Variants in ADGRL3 observed in about 807,000 individuals in gnomAD.
ADGRL3 encodes adhesion G protein-coupled receptor L3.
A neutral mutation model predicts 153.5 loss-of-function variants in ADGRL3; 62 were observed. The ratio of observed to expected loss-of-function variants is 0.40; its 90% CI spans 0.33 to 0.50. ADGRL3 has a LOEUF of 0.50. ADGRL3 is among the 20% of genes least tolerant of loss of function. The pLI, the probability that ADGRL3 is intolerant of heterozygous loss-of-function variation, is 0.47. For missense variants in ADGRL3, 1,641 were observed against 1,859.4 expected, an observed-to-expected ratio of 0.88 and a Z score of 2.16; for synonymous variants, 710 against 672.5, an observed-to-expected ratio of 1.06 and a Z score of -0.86.
At chr4:61,668,582 A>G (rs2094883093) in intron 5 of ADGRL3, among the ~76,000 whole-genome samples, 1 of 152,222 alleles carries the variant, frequency 6.6e-6, no homozygotes, top group Admixed American at 6.5e-5. Flanking sequence ...AGTAACATAT[A>G]AAAGAATATA....
intron 8 of ADGRL3, among the ~76,000 whole-genome samples, chr4:61,756,002 A>T (rs1472296441): frequency 6.6e-6 from 1 of 152,154 alleles, no homozygotes; most frequent in African/African-American, 2.4e-5. Context: ...TACCAGTACC[A>T]TGCTGTTTTG....
chr4:62,035,113 TTTTCTTC>T (rs1409606765), intron 23 of ADGRL3, among the ~76,000 whole-genome samples: 19 of 151,992 alleles, frequency 1.3e-4, no homozygotes, highest in African/African-American at 4.6e-4. Context: ...ATGTTATTTT[TTTTCTTC>T]TTTTTAAGAC....
intron 17 of ADGRL3, among the ~76,000 whole-genome samples, chr4:61,966,178 A>G (rs927706039): frequency 6.6e-6 from 1 of 152,218 alleles, no homozygotes; most frequent in African/African-American, 2.4e-5. Flanking sequence ...GCACATGTAC[A>G]TATTTATATT....
intron 1 of ADGRL3, among the ~76,000 whole-genome samples, chr4:61,277,030 G>C (rs1476128197): frequency 6.6e-6 from 1 of 152,020 alleles, no homozygotes. Context: ...TATTTCATTT[G>C]TTTATTTAAA....
chr4:61,376,743 G>T (rs1391756006), intron 1 of ADGRL3, among the ~76,000 whole-genome samples: 1 of 152,126 alleles, frequency 6.6e-6, no homozygotes, highest in Non-Finnish European at 1.5e-5. Flanking sequence ...AACTCTTCCT[G>T]AGGGTGGGTT....
At chr4:61,562,761 G>T (rs1292644989) in intron 4 of ADGRL3, among the ~76,000 whole-genome samples, 2 of 151,886 alleles carry the variant, frequency 1.3e-5, no homozygotes, top group Non-Finnish European at 1.5e-5. Flanking sequence ...ACCCATGAGG[G>T]TTGAAATACA....
At chr4:61,745,633 A>G (rs1203945613) in intron 8 of ADGRL3, among the ~76,000 whole-genome samples, 1 of 152,182 alleles carries the variant, frequency 6.6e-6, no homozygotes, top group East Asian at 1.9e-4. Context: ...AAGGAGAAAT[A>G]AAATACTTTA....
intron 2 of ADGRL3, among the ~76,000 whole-genome samples, chr4:61,435,104 T>C (rs998554926): frequency 1.3e-5 from 2 of 152,078 alleles, no homozygotes; most frequent in Non-Finnish European, 2.9e-5. Flanking sequence ...ACAATTTTGG[T>C]ATGCTGTGTG....
At chr4:61,831,991 G>C (rs1169076415) in intron 9 of ADGRL3, among the ~76,000 whole-genome samples, 1 of 152,146 alleles carries the variant, frequency 6.6e-6, no homozygotes, top group Non-Finnish European at 1.5e-5. Context: ...CTAGACACCT[G>C]AGTAGACCTC....
chr4:62,063,461 GA>G, intron 25 of ADGRL3: 1 of 629,286 alleles, frequency 1.6e-6, no homozygotes, highest in Non-Finnish European at 2.8e-6. Context: ...TTGCCTGATT[GA>G]CCTTTTTTTT....
intron 1 of ADGRL3, among the ~76,000 whole-genome samples, chr4:61,370,035 C>T (rs1216206529): frequency 2.6e-5 from 4 of 152,124 alleles, no homozygotes; most frequent in Admixed American, 2.6e-4. Flanking sequence ...TTGTAGTATT[C>T]TCTGATGGTA....
chr4:62,041,630 C>G (rs145906642), intron 24 of ADGRL3, among the ~76,000 whole-genome samples: 1 of 151,954 alleles, frequency 6.6e-6, no homozygotes, highest in African/African-American at 2.4e-5. Flanking sequence ...TTTCCATTCC[C>G]GCAACTTATT....
intron 13 of ADGRL3, among the ~76,000 whole-genome samples, chr4:61,919,355 C>G (rs1381372113): frequency 6.6e-6 from 1 of 152,126 alleles, no homozygotes; most frequent in East Asian, 1.9e-4. Flanking sequence ...TGTTAAAACC[C>G]TGTGAACTTA....
At chr4:61,429,649 T>G (rs571079379) in intron 2 of ADGRL3, among the ~76,000 whole-genome samples, 2 of 152,184 alleles carry the variant, frequency 1.3e-5, no homozygotes, top group East Asian at 3.9e-4. Context: ...TTGTAAAAGG[T>G]CAATAAATGA....
chr4:61,862,171 C>T (rs1224572122), intron 9 of ADGRL3, among the ~76,000 whole-genome samples: 1 of 152,138 alleles, frequency 6.6e-6, no homozygotes, highest in Admixed American at 6.5e-5. Flanking sequence ...TTCCCCATGA[C>T]TTAGGGGGTT....
At chr4:62,012,588 A>G (rs902217698) in intron 21 of ADGRL3, among the ~76,000 whole-genome samples, 3 of 152,134 alleles carry the variant, frequency 2.0e-5, no homozygotes, top group African/African-American at 7.2e-5. Flanking sequence ...TCCTTGTCAC[A>G]TCAAATTGCA....
intron 6 of ADGRL3, among the ~76,000 whole-genome samples, chr4:61,715,497 T>C (rs1370619051): frequency 6.6e-6 from 1 of 152,192 alleles, no homozygotes; most frequent in East Asian, 1.9e-4. Context: ...ACTTGCTTTT[T>C]CTTGTGTAAA....
At chr4:61,795,478 G>A (rs973921398) in intron 8 of ADGRL3, among the ~76,000 whole-genome samples, 11 of 152,106 alleles carry the variant, frequency 7.2e-5, no homozygotes, top group African/African-American at 2.2e-4. Flanking sequence ...TAGAATTCTT[G>A]CATTTTATTC....
At chr4:62,056,672 C>T (rs920541494) in intron 25 of ADGRL3, among the ~76,000 whole-genome samples, 5 of 151,924 alleles carry the variant, frequency 3.3e-5, no homozygotes, top group African/African-American at 1.2e-4. Flanking sequence ...AAAACAAAAA[C>T]AGAGAGACAT....
Sources: gnomAD v4.1 joint callset for allele counts (sites outside exome capture counted in the v4.1 genomes callset) on GRCh38, gnomAD v4.1.1 for gene constraint, MANE v1.5 for transcripts, NCBI Gene and HGNC (gene_info 2026-07-23, HGNC 2026-07-21) for gene names.